Variants in ANO2 observed in about 807,000 individuals in gnomAD.
ANO2 encodes anoctamin 2.
Under a neutral mutation model 124.2 loss-of-function variants are expected in ANO2, and 101 were observed. That is an observed-to-expected ratio of 0.81 (90% CI 0.69 to 0.96). The LOEUF (loss-of-function observed/expected upper bound fraction) is 0.96, where lower values mean the gene tolerates loss of function less well. Ranked by LOEUF, ANO2 falls within the 40% of genes least tolerant of loss-of-function variation. ANO2 has a pLI of 0.00. For missense variants in ANO2, 1,293 were observed against 1,274.5 expected (o/e 1.01, Z -0.22); for synonymous variants, 486 against 482.5 (o/e 1.01, Z -0.09).
chr12:5,741,857 C>T (rs1951106815), intron 12 of ANO2, among the ~76,000 whole-genome samples: 1 of 152,162 alleles, frequency 6.6e-6, no homozygotes, highest in Non-Finnish European at 1.5e-5. Flanking sequence ...AGAGTATTGA[C>T]TTTAGTGACA....
chr12:5,859,327 G>C (rs1436073435), intron 3 of ANO2, among the ~76,000 whole-genome samples: 4 of 152,174 alleles, frequency 2.6e-5, no homozygotes, highest in African/African-American at 9.7e-5. Context: ...ATATATAACA[G>C]AGCAGGAAAT....
At chr12:5,884,795 G>GC (rs1938766697) in intron 3 of ANO2, among the ~76,000 whole-genome samples, 1 of 152,154 alleles carries the variant, frequency 6.6e-6, no homozygotes, top group Admixed American at 6.5e-5. Flanking sequence ...AAGGAAGCCA[G>GC]CAGGCAAACC....
chr12:5,595,671 G>A (rs899169233), intron 20 of ANO2, among the ~76,000 whole-genome samples: 1 of 152,110 alleles, frequency 6.6e-6, no homozygotes, highest in Non-Finnish European at 1.5e-5. Flanking sequence ...CCATAATTCA[G>A]TAAGATGCCA....
At position 5,921,029 on chromosome 12, in the gene ANO2, G is replaced by T. The variant is rs763909610; in HGVS notation, c.534+11C>A. On this transcript the variant is annotated intron_variant, in intron 3 of 24. Transcript: ENST00000682330. ...TCCATCTCCAAGTCCCTGGCCACCC[G>T]CCTGACTCACCTCCAAGTCCTTCTC... 1.5e-5 allele frequency: 24 copies of T among 1,597,498 alleles called. No individual in the cohort carries two copies. The highest frequency in any genetic ancestry group is 3.3e-5 in the South Asian group (3 of 89,952).
In ANO2 at chr12:5,720,456, C is replaced by G. The variant is rs557372075; in HGVS notation, c.1545+12064G>C. Reference sequence around the variant, plus strand: ...AGTGAAATAACGACCTTGGCCCAGACAGCAAAAGACAAATTTAATTTACGT... The same window carrying G: ...AGTGAAATAACGACCTTGGCCCAGAGAGCAAAAGACAAATTTAATTTACGT... On this transcript the variant is annotated intron_variant, in intron 14 of 24. Coordinates refer to ENST00000682330, the MANE Select transcript of ANO2 (RefSeq NM_001364791.2). Among the ~76,000 whole-genome samples, 21 of 152,250 alleles carry G rather than the reference C, an allele frequency of 1.4e-4. 1 individual carries two copies. The highest frequency in any genetic ancestry group is 4.2e-4 in the South Asian group (2 of 4,818).
At chr12:5,886,388 G>A (rs1311455092) in intron 3 of ANO2, among the ~76,000 whole-genome samples, 1 of 152,206 alleles carries the variant, frequency 6.6e-6, no homozygotes, top group East Asian at 1.9e-4. Flanking sequence ...CATAGAAGCA[G>A]AAAATATAAT....
intron 3 of ANO2, among the ~76,000 whole-genome samples, chr12:5,878,959 T>A (rs991286677): frequency 2.0e-5 from 3 of 152,212 alleles, no homozygotes; most frequent in Admixed American, 6.5e-5. Flanking sequence ...GGCTTAACAT[T>A]TGGTTTGAAG....
chr12:5,875,802 A>G (rs764725259), intron 3 of ANO2, among the ~76,000 whole-genome samples: 32 of 151,940 alleles, frequency 2.1e-4, no homozygotes, highest in Non-Finnish European at 3.8e-4. Context: ...GAAAAAGATG[A>G]TAAGTCCTAG....
At chr12:5,676,221 G>C (rs1948235424) in intron 14 of ANO2, among the ~76,000 whole-genome samples, 1 of 152,218 alleles carries the variant, frequency 6.6e-6, no homozygotes, top group Non-Finnish European at 1.5e-5. Flanking sequence ...TATGCGTTTA[G>C]AAAGGCGTCA....
intron 11 of ANO2, among the ~76,000 whole-genome samples, chr12:5,746,286 T>C (rs1326578173): frequency 6.6e-6 from 1 of 152,234 alleles, no homozygotes; most frequent in African/African-American, 2.4e-5. Flanking sequence ...TGCAGGCAAC[T>C]ATCCATCATT....
At chr12:5,827,632 C>A (rs1954005342) in intron 7 of ANO2, 137 bp downstream of exon 7, 9 of 1,070,852 alleles carry the variant, frequency 8.4e-6, no homozygotes, top group Non-Finnish European at 1.1e-5. Flanking sequence ...GGCTTCTCAG[C>A]CCAAGCTAAG....
At chr12:5,631,934 G>T (rs1057228740) in intron 16 of ANO2, among the ~76,000 whole-genome samples, 1 of 152,182 alleles carries the variant, frequency 6.6e-6, no homozygotes, top group Admixed American at 6.5e-5. Flanking sequence ...AAGGTTGGCT[G>T]GATGGGGATT....
intron 9 of ANO2, among the ~76,000 whole-genome samples, chr12:5,800,102 G>A (rs1362378334): frequency 6.6e-6 from 1 of 152,200 alleles, no homozygotes; most frequent in Non-Finnish European, 1.5e-5. Context: ...GATGGCCAGG[G>A]AAGGCCTCTC....
intron 1 of ANO2, among the ~76,000 whole-genome samples, chr12:5,942,144 G>A (rs1166782901): frequency 6.6e-6 from 1 of 152,150 alleles, no homozygotes; most frequent in African/African-American, 2.4e-5. Flanking sequence ...CAGTGTCACT[G>A]CTCCAAATAG....
intron 14 of ANO2, among the ~76,000 whole-genome samples, chr12:5,689,221 G>C (rs1273587808): frequency 2.0e-5 from 3 of 152,160 alleles, no homozygotes; most frequent in Non-Finnish European, 4.4e-5. Flanking sequence ...GGGAACTTGA[G>C]GCAGGTACAT....
At chr12:5,809,971 A>C (rs532754793) in intron 7 of ANO2, among the ~76,000 whole-genome samples, 193 of 151,978 alleles carry the variant, frequency 1.3e-3, no homozygotes, top group African/African-American at 4.5e-3. Context: ...AAACTTTTAC[A>C]CTCCAGCTGA....
intron 7 of ANO2, among the ~76,000 whole-genome samples, chr12:5,816,305 T>C (rs1953608091): frequency 7.3e-6 from 1 of 137,444 alleles, no homozygotes. Flanking sequence ...TGGGGCCTCA[T>C]GGAGTTATCA....
At chr12:5,888,214 G>A (rs1939097299) in intron 3 of ANO2, among the ~76,000 whole-genome samples, 1 of 151,188 alleles carries the variant, frequency 6.6e-6, no homozygotes, top group Non-Finnish European at 1.5e-5. Context: ...CTCTTAAGGC[G>A]GCGCGTCTGG....
intron 1 of ANO2, among the ~76,000 whole-genome samples, chr12:5,942,225 A>T (rs1942924782): frequency 6.6e-6 from 1 of 152,252 alleles, no homozygotes; most frequent in African/African-American, 2.4e-5. Context: ...CCTATTAATT[A>T]GTTATGATAT....
Sources: allele counts gnomAD v4.1 joint callset (sites outside exome capture counted in the v4.1 genomes callset), GRCh38; gene constraint gnomAD v4.1.1; transcripts MANE v1.5; gene names NCBI Gene and HGNC (gene_info 2026-07-23, HGNC 2026-07-21).